TSHZ1: variants seen among roughly 807,000 people sequenced by gnomAD.
TSHZ1 encodes the protein teashirt homolog 1.
Under a neutral mutation model 67.1 loss-of-function variants are expected in TSHZ1, and 12 were observed. The ratio of observed to expected loss-of-function variants is 0.18; its 90% CI spans 0.11 to 0.29. The LOEUF (loss-of-function observed/expected upper bound fraction) is 0.29. Among genes scored for constraint, TSHZ1 ranks in the 10% least tolerant of loss-of-function variants. The pLI is 1.00. For missense variants in TSHZ1, 1,305 were observed against 1,413.9 expected (o/e 0.92, Z 1.23); for synonymous variants, 632 against 622.4 (o/e 1.02, Z -0.23).
intron 1 of TSHZ1, among the ~76,000 whole-genome samples, chr18:75,264,192 G>T (rs2023463177): frequency 6.6e-6 from 1 of 152,172 alleles, no homozygotes. Flanking sequence ...TTAGCTGGCT[G>T]TCCTCTTTAA....
chr18:75,270,596 A>G lies in TSHZ1; in HGVS notation c.41-14852A>G, dbSNP rs75563239. On this transcript the variant is annotated intron_variant, in intron 1 of 1. Transcript: ENST00000580243. The stretch of plus-strand genomic sequence containing the variant: ...GCTTCCTATTTGAGATTAGATTTCA[A>G]TATTGCCACTGGAAAAAAATTGCTT... Among the ~76,000 whole-genome samples, 210 of 152,322 alleles carry G rather than the reference A, an allele frequency of 1.4e-3. 1 individual carries two copies. In the East Asian group the frequency reaches 0.023, roughly 17 times the overall value.
intron 1 of TSHZ1, among the ~76,000 whole-genome samples, chr18:75,232,307 C>A (rs1267668149): frequency 6.6e-6 from 1 of 152,174 alleles, no homozygotes; most frequent in Non-Finnish European, 1.5e-5. Flanking sequence ...TGCGTCTACA[C>A]AGATAATTTA....
At chr18:75,217,854 GGATATTGGGTC>G (rs762017757) in intron 1 of TSHZ1, among the ~76,000 whole-genome samples, 5 of 152,114 alleles carry the variant, frequency 3.3e-5, no homozygotes, top group Non-Finnish European at 5.9e-5. Context: ...TGAAGAGAAT[GGATATTGGGTC>G]GATTGTTATA....
intron 1 of TSHZ1, among the ~76,000 whole-genome samples, chr18:75,247,779 C>A (rs2023242421): frequency 6.6e-6 from 1 of 151,938 alleles, no homozygotes; most frequent in Admixed American, 6.6e-5. Context: ...ACAGCTTTGT[C>A]CTTCTTTTGA....
intron 1 of TSHZ1, among the ~76,000 whole-genome samples, chr18:75,266,053 T>G (rs2023486993): frequency 6.6e-6 from 1 of 152,190 alleles, no homozygotes; most frequent in African/African-American, 2.4e-5. Flanking sequence ...TCACCTTTTT[T>G]GGTGTCCTGA....
At chr18:75,249,129 C>T (rs2023260599) in intron 1 of TSHZ1, among the ~76,000 whole-genome samples, 1 of 152,142 alleles carries the variant, frequency 6.6e-6, no homozygotes, top group Admixed American at 6.5e-5. Context: ...GGGCTCCAGG[C>T]CGTGGCTGCT....
At chr18:75,282,008 C>A (rs1039683415) in intron 1 of TSHZ1, among the ~76,000 whole-genome samples, 1 of 152,118 alleles carries the variant, frequency 6.6e-6, no homozygotes, top group East Asian at 1.9e-4. Context: ...CCCCCTCCTT[C>A]GACGTCCGCA....
chr18:75,230,726 C>T (rs1320410810), intron 1 of TSHZ1, among the ~76,000 whole-genome samples: 4 of 152,166 alleles, frequency 2.6e-5, no homozygotes, highest in South Asian at 2.1e-4. Flanking sequence ...TCTTCTTCCC[C>T]GATTCCCCTG....
chr18:75,260,230 C>T (rs2023414111), intron 1 of TSHZ1, among the ~76,000 whole-genome samples: 1 of 152,240 alleles, frequency 6.6e-6, no homozygotes, highest in African/African-American at 2.4e-5. Context: ...CGTGTGAATT[C>T]ATTTCAATAG....
At position 75,211,469 on chromosome 18, in the gene TSHZ1, C is replaced by CGGAGCGGCGCGCCG. The variant is rs1568349226; in HGVS notation, c.-403_-390dup. 6.7e-6 allele frequency: 1 copy of CGGAGCGGCGCGCCG among 149,814 alleles called. No individual in the cohort carries two copies. Among genetic ancestry groups the CGGAGCGGCGCGCCG allele is most frequent in the Non-Finnish European group, 1.5e-5 (1 of 67,162 alleles). The allele number at this position is 149,814 out of a possible 1,614,324, so 9.3% of individuals were successfully genotyped here. A position where few individuals can be genotyped will look rare whatever the true frequency, so the allele number is the denominator to read the frequency against. On this transcript the variant is annotated 5_prime_UTR_variant, in exon 1 of 2. Coordinates refer to ENST00000580243, the MANE Select transcript of TSHZ1 (RefSeq NM_001308210.2). Reference sequence around the variant, plus strand: ...GCGGAAGAAGGCGCAGGGGAGCGCCCGGAGCGGCGCGCCGGGAGGAGCGCC... The same window carrying CGGAGCGGCGCGCCG: ...GCGGAAGAAGGCGCAGGGGAGCGCCCGGAGCGGCGCGCCGGGAGCGGCGCGCCGGGAGGAGCGCC...
intron 1 of TSHZ1, among the ~76,000 whole-genome samples, chr18:75,254,824 C>A (rs191901022): frequency 1.4e-3 from 209 of 152,274 alleles, no homozygotes; most frequent in Admixed American, 3.9e-3. Flanking sequence ...TTTTATTCAG[C>A]ATGCTTTAAA....
intron 1 of TSHZ1, among the ~76,000 whole-genome samples, chr18:75,265,315 G>A (rs2122587293): frequency 6.6e-6 from 1 of 152,308 alleles, no homozygotes; most frequent in East Asian, 1.9e-4. Flanking sequence ...AGTAAACTGT[G>A]CTTTTCTACT....
chr18:75,211,755 C>G lies in TSHZ1; in HGVS notation c.-122C>G. 1.9e-6 allele frequency: 1 copy of G among 520,714 alleles called. No homozygotes were observed. The highest frequency in any genetic ancestry group is 2.5e-6 in the Non-Finnish European group (1 of 406,866). 32.3% of individuals were successfully genotyped at this position (520,714 alleles called of 1,614,324 possible). Reference sequence around the variant, plus strand: ...TCCGCGGCGCGCCCGGAGCCCGGAGCCCGCGGGGACGAGGCCAAAGTTGGG... The same window carrying G: ...TCCGCGGCGCGCCCGGAGCCCGGAGGCCGCGGGGACGAGGCCAAAGTTGGG... On this transcript the variant is annotated 5_prime_UTR_variant, in exon 1 of 2. Transcript: ENST00000580243.
chr18:75,250,199 C>T (rs2023281426), intron 1 of TSHZ1, among the ~76,000 whole-genome samples: 1 of 152,120 alleles, frequency 6.6e-6, no homozygotes, highest in African/African-American at 2.4e-5. Context: ...GGGTGACCTC[C>T]CCATCTCACC....
intron 1 of TSHZ1, among the ~76,000 whole-genome samples, chr18:75,277,146 T>C (rs2023623156): frequency 6.6e-6 from 1 of 152,194 alleles, no homozygotes; most frequent in Non-Finnish European, 1.5e-5. Flanking sequence ...AGCCGGTCCA[T>C]GGCCCGAATT....
intron 1 of TSHZ1, among the ~76,000 whole-genome samples, chr18:75,271,680 G>C (rs753206689): frequency 6.6e-6 from 1 of 152,002 alleles, no homozygotes; most frequent in Non-Finnish European, 1.5e-5. Context: ...TAGCATTTTC[G>C]ACAAGGTTGT....
intron 1 of TSHZ1, among the ~76,000 whole-genome samples, chr18:75,270,576 C>G (rs1209274350): frequency 6.6e-6 from 1 of 152,130 alleles, no homozygotes; most frequent in East Asian, 1.9e-4. Flanking sequence ...TATTTGCTTC[C>G]TATTTGAGAT....
intron 1 of TSHZ1, among the ~76,000 whole-genome samples, chr18:75,248,397 T>C (rs2023250101): frequency 1.3e-5 from 2 of 152,254 alleles, no homozygotes; most frequent in African/African-American, 4.8e-5. Flanking sequence ...AGTCCTAGAC[T>C]GTGGCCCACA....
rs2023691660 is a variant in TSHZ1 at position 75,281,910 on chromosome 18, A to C, written c.41-3538A>C. ...TCCCTGCCTTCCAAAAGTGTCCCTCACCTACCCGGTCAGAGGCTGCCTGAT... is the reference window on the plus strand; with the variant it reads ...TCCCTGCCTTCCAAAAGTGTCCCTCCCCTACCCGGTCAGAGGCTGCCTGAT... On this transcript the variant is annotated intron_variant, in intron 1 of 1. Transcript: ENST00000580243. This position sits in a 1 kb window ranked among gnomAD's most constrained non-coding sequence, Gnocchi z 5.3. Among the ~76,000 whole-genome samples, 1 of 152,008 alleles carries C rather than the reference A, an allele frequency of 6.6e-6. No homozygotes were observed. Among genetic ancestry groups the C allele is most frequent in the South Asian group, 2.1e-4 (1 of 4,828 alleles).
Sources: gnomAD v4.1 joint callset for allele counts (sites outside exome capture counted in the v4.1 genomes callset) on GRCh38, gnomAD v4.1.1 for gene constraint, Gnocchi (gnomAD v3.1) non-coding constraint, MANE v1.5 for transcripts, NCBI Gene and HGNC (gene_info 2026-07-23, HGNC 2026-07-21) for gene names.